Variants in GABRB1 observed in about 807,000 individuals in gnomAD.
GABRB1 encodes the protein gamma-aminobutyric acid type A receptor subunit beta1.
Under a neutral mutation model 51.6 loss-of-function variants are expected in GABRB1, and 17 were observed. The observed-to-expected ratio is 0.33, with a 90% confidence interval of 0.23 to 0.49. GABRB1 has a LOEUF of 0.49. GABRB1 is among the 20% of genes least tolerant of loss of function. The probability of loss-of-function intolerance (pLI) is 0.99; values close to 1 mark genes in which losing one functional copy is unlikely to be tolerated. For synonymous variants in GABRB1, 247 were observed against 218.9 expected, an observed-to-expected ratio of 1.13 and a Z score of -1.14; for missense variants, 410 against 600.6, an observed-to-expected ratio of 0.68 and a Z score of 3.32.
intron 4 of GABRB1, among the ~76,000 whole-genome samples, chr4:47,314,295 G>T (rs1560329584): frequency 6.6e-6 from 1 of 151,836 alleles, no homozygotes; most frequent in South Asian, 2.1e-4. Flanking sequence ...TAAAAGTTGG[G>T]TTTTTTAAAA....
chr4:47,185,484 G>A (rs2109775891), intron 4 of GABRB1, among the ~76,000 whole-genome samples: 1 of 151,832 alleles, frequency 6.6e-6, no homozygotes, highest in African/African-American at 2.4e-5. Flanking sequence ...TTTAGTTTTA[G>A]TCTCAAATCC....
chr4:47,104,370 ATT>A (rs952549645), intron 3 of GABRB1, among the ~76,000 whole-genome samples: 22 of 151,152 alleles, frequency 1.5e-4, no homozygotes, highest in Middle Eastern at 3.4e-3. Context: ...TCTATATTTT[ATT>A]TGTTTGTTTT....
intron 3 of GABRB1, among the ~76,000 whole-genome samples, chr4:47,157,080 A>G (rs1426060080): frequency 6.6e-6 from 1 of 152,134 alleles, no homozygotes; most frequent in African/African-American, 2.4e-5. Flanking sequence ...TCATGCCTGA[A>G]TTAGCCCAAC....
intron 3 of GABRB1, among the ~76,000 whole-genome samples, chr4:47,079,811 A>G (rs1727744368): frequency 7.7e-6 from 1 of 130,548 alleles, no homozygotes; most frequent in African/African-American, 2.9e-5. Flanking sequence ...GAACACATGG[A>G]CACAGGAAGG....
At chr4:47,154,379 G>A (rs975614583) in intron 3 of GABRB1, among the ~76,000 whole-genome samples, 1 of 151,442 alleles carries the variant, frequency 6.6e-6, no homozygotes, top group Non-Finnish European at 1.5e-5. Flanking sequence ...TCTTTTGCTG[G>A]CAAGTAAATA....
At chr4:47,075,942 C>T (rs1727529097) in intron 3 of GABRB1, among the ~76,000 whole-genome samples, 1 of 152,126 alleles carries the variant, frequency 6.6e-6, no homozygotes, top group South Asian at 2.1e-4. Flanking sequence ...TCAAGTATAG[C>T]TGTAGATGAG....
rs1188236324 is a variant in GABRB1 at position 47,384,697 on chromosome 4, TTAGC to T, written c.545-18617_545-18614del. On this transcript the variant is annotated intron_variant, in intron 5 of 8. Transcript: ENST00000295454. ...AGGTTAAAGTAGTAGTACATTTAAG[TTAGC>T]TAGATAAGTGCCTCTGTTTCTATTT... 2.0e-5 allele frequency among the ~76,000 whole-genome samples: 3 copies of T among 152,160 alleles called. 1 individual carries two copies. The highest frequency in any genetic ancestry group is 4.4e-5 in the Non-Finnish European group (3 of 68,010).
chr4:47,279,558 A>G (rs1240560431), intron 4 of GABRB1, among the ~76,000 whole-genome samples: 2 of 152,100 alleles, frequency 1.3e-5, no homozygotes, highest in African/African-American at 4.8e-5. Context: ...TCTTACATCT[A>G]TTAATGTTTG....
At chr4:47,341,132 A>G (rs1161828524) in intron 5 of GABRB1, among the ~76,000 whole-genome samples, 1 of 152,102 alleles carries the variant, frequency 6.6e-6, no homozygotes, top group Non-Finnish European at 1.5e-5. Context: ...TTTATTCTCA[A>G]CTCCATGAAA....
intron 4 of GABRB1, among the ~76,000 whole-genome samples, chr4:47,166,027 C>T (rs1431496338): frequency 6.6e-6 from 1 of 152,028 alleles, no homozygotes; most frequent in Non-Finnish European, 1.5e-5. Context: ...CTATCTGTCA[C>T]TTCCTGGCCC....
intron 1 of GABRB1, among the ~76,000 whole-genome samples, chr4:47,015,363 A>G (rs1724713054): frequency 6.6e-6 from 1 of 152,234 alleles, no homozygotes. Flanking sequence ...TTTAAGGATA[A>G]ACAGAAATAG....
At chr4:47,039,900 A>C (rs564869091) in intron 3 of GABRB1, among the ~76,000 whole-genome samples, 3 of 152,182 alleles carry the variant, frequency 2.0e-5, no homozygotes, top group African/African-American at 7.2e-5. Flanking sequence ...GAATGCTCTC[A>C]TTGTGTAAAA....
At chr4:47,366,846 C>A (rs537262488) in intron 5 of GABRB1, among the ~76,000 whole-genome samples, 159 of 152,164 alleles carry the variant, frequency 1.0e-3, no homozygotes, top group Non-Finnish European at 1.8e-3. Context: ...TCACAACTTA[C>A]CTGATTTCAT....
chr4:47,344,658 G>C (rs1271943729), intron 5 of GABRB1, among the ~76,000 whole-genome samples: 1 of 152,042 alleles, frequency 6.6e-6, no homozygotes, highest in Admixed American at 6.6e-5. Context: ...AAGTGTCAGT[G>C]GGGTGTCTCC....
intron 4 of GABRB1, among the ~76,000 whole-genome samples, chr4:47,186,799 G>A (rs887918668): frequency 1.3e-5 from 2 of 151,866 alleles, no homozygotes; most frequent in Non-Finnish European, 2.9e-5. Context: ...TGGCATTGTT[G>A]TTGGTTAGCT....
chr4:47,054,049 C>CTT (rs570838719), intron 3 of GABRB1, among the ~76,000 whole-genome samples: 2 of 150,360 alleles, frequency 1.3e-5, no homozygotes, highest in Non-Finnish European at 3.0e-5. Flanking sequence ...GTAAAATTGA[C>CTT]TTTTTTAAAA....
chr4:47,067,870 C>G (rs1291004991), intron 3 of GABRB1, among the ~76,000 whole-genome samples: 1 of 152,038 alleles, frequency 6.6e-6, no homozygotes, highest in Non-Finnish European at 1.5e-5. Context: ...TCCTGATGCT[C>G]TCCCTCCCCT....
At chr4:47,313,626 A>G (rs1578087089) in intron 4 of GABRB1, among the ~76,000 whole-genome samples, 1 of 152,266 alleles carries the variant, frequency 6.6e-6, no homozygotes, top group Non-Finnish European at 1.5e-5. Flanking sequence ...TTCTTGCTGA[A>G]CAATTTTTTC....
intron 5 of GABRB1, among the ~76,000 whole-genome samples, chr4:47,387,467 A>G (rs574127459): frequency 3.3e-5 from 5 of 152,322 alleles, no homozygotes; most frequent in South Asian, 4.1e-4. Flanking sequence ...GTGAGACTCC[A>G]TCTCAAAAAG....
Sources: gnomAD v4.1 joint callset for allele counts (sites outside exome capture counted in the v4.1 genomes callset) on GRCh38, gnomAD v4.1.1 for gene constraint, MANE v1.5 for transcripts, NCBI Gene and HGNC (gene_info 2026-07-23, HGNC 2026-07-21) for gene names.